CYP20A1: variants seen among roughly 807,000 people sequenced by gnomAD.
The protein encoded by CYP20A1 is cytochrome P450 20A1.
Under a neutral mutation model 61.4 loss-of-function variants are expected in CYP20A1, and 61 were observed. The ratio of observed to expected loss-of-function variants is 0.99; its 90% CI spans 0.81 to 1.23. The LOEUF (loss-of-function observed/expected upper bound fraction) is 1.23. Ranked by LOEUF, CYP20A1 falls within the 50% of genes most tolerant of loss-of-function variation. The probability of loss-of-function intolerance (pLI) is 0.00; values close to 1 mark genes in which losing one functional copy is unlikely to be tolerated. For synonymous variants in CYP20A1, 193 were observed against 188.2 expected (o/e 1.03, Z -0.21); for missense variants, 530 against 542.4 (o/e 0.98, Z 0.23).
chr2:203,301,870 AAC>A lies in CYP20A1; in HGVS notation c.*4964_*4965del, dbSNP rs1325647510. Among the ~76,000 whole-genome samples the A allele has an allele frequency of 6.6e-6, 1 of 151,932 alleles. No homozygotes were observed. The highest frequency in any genetic ancestry group is 1.5e-5 in the Non-Finnish European group (1 of 68,010). ...AAACACAAAAATGTCAAACTCAGTT[AAC>A]AGTCATAGTTTCACTATTTGAAGTT... On this transcript the variant is annotated 3_prime_UTR_variant, in exon 13 of 13. Transcript: ENST00000356079.
In CYP20A1 at chr2:203,266,553, G is replaced by C. The variant is rs372183612; in HGVS notation, c.472G>C (p.Glu158Gln). 2.2e-5 allele frequency: 35 copies of C among 1,614,126 alleles called. No individual in the cohort carries two copies. In the African/African-American group the frequency reaches 4.4e-4, roughly 20 times the overall value. The change falls in exon 5 of 13, where the codon GAG (glutamate) becomes CAG (glutamine). Residue 158 changes from glutamate (E) to glutamine (Q), a missense_variant. Physicochemically the swap from Glu to Gln is conservative, Grantham distance 29. Transcript: ENST00000356079. ...ATTAGATAAATGGCTCTCCTACCCA[G>C]AGACCCAGCACGTGCCCCTCAGCCA... ...ELLDKWLSYP[E>Q]TQHVPLSQHM...
chr2:203,279,318 A>C (rs1234044246), intron 7 of CYP20A1, among the ~76,000 whole-genome samples: 2 of 152,136 alleles, frequency 1.3e-5, no homozygotes, highest in Non-Finnish European at 2.9e-5. Flanking sequence ...CTTGGTCTCT[A>C]TTATTTAGCT....
rs961436190 is a variant in CYP20A1 at position 203,296,802 on chromosome 2, A to G, written c.1283A>G (p.Lys428Arg). ...VTTVLLSVLV[K>R]RLHLLSVEGQ... Reference sequence around the variant, plus strand: ...ACAGTACTTCTTAGTGTATTGGTGAAGAGACTGCACCTACTTTCTGTGGAG... The same window carrying G: ...ACAGTACTTCTTAGTGTATTGGTGAGGAGACTGCACCTACTTTCTGTGGAG... The change falls in exon 13 of 13, where the codon AAG (lysine) becomes AGG (arginine). Residue 428 changes from lysine (K) to arginine (R), a missense_variant. Transcript: ENST00000356079. The G allele has an allele frequency of 1.9e-6, 3 of 1,609,272 alleles. No individual in the cohort carries two copies. The highest frequency in any genetic ancestry group is 2.7e-5 in the African/African-American group (2 of 74,678).
At chr2:203,287,458 T>C (rs2068329602) in intron 9 of CYP20A1, among the ~76,000 whole-genome samples, 1 of 151,700 alleles carries the variant, frequency 6.6e-6, no homozygotes, top group Admixed American at 6.6e-5. Flanking sequence ...ATAATCCCAA[T>C]AATTTGGGAG....
At chr2:203,294,589 G>A (rs536611373) in intron 11 of CYP20A1, among the ~76,000 whole-genome samples, 26 of 152,020 alleles carry the variant, frequency 1.7e-4, no homozygotes, top group African/African-American at 5.1e-4. Context: ...CTTTTCATTC[G>A]CTTTAATCCA....
rs2066711037 is a variant in CYP20A1, at chr2:203,252,064, T to C, written c.387T>C (p.Asn129=). The change falls in exon 4 of 13, where the codon AAT becomes AAC. Residue 129 remains asparagine, a synonymous_variant. Transcript: ENST00000356079. ...ACATGAGGAAAAAATTGTATGAAAA[T>C]GGTGTGACTGATTCTCTGAAGAGTA... is the stretch of plus-strand genomic sequence containing the variant. The part of the protein sequence containing the change: ...ENHMRKKLYE[N]GVTDSLKSNF... 6.2e-7 allele frequency: 1 copy of C among 1,609,768 alleles called. No individual in the cohort carries two copies. The highest frequency in any genetic ancestry group is 8.5e-7 in the Non-Finnish European group (1 of 1,177,814).
At chr2:203,276,877 G>A (rs563073110) in intron 6 of CYP20A1, among the ~76,000 whole-genome samples, 3 of 152,262 alleles carry the variant, frequency 2.0e-5, no homozygotes, top group South Asian at 2.1e-4. Context: ...AGATCACCAG[G>A]TAGTGAATAT....
chr2:203,252,049 A>T lies in CYP20A1; in HGVS notation c.372A>T (p.Lys124Asn). The change falls in exon 4 of 13, where the codon AAA becomes AAT. Residue 124 changes from lysine to asparagine, a missense_variant. Coordinates refer to ENST00000356079, the MANE Select transcript of CYP20A1 (RefSeq NM_177538.3). ...GGSVSENHMRKKLYENGVTDS... is the reference protein window; with the variant it reads ...GGSVSENHMRNKLYENGVTDS... ...GTGTGAGTGAAAACCACATGAGGAAAAAATTGTATGAAAATGGTGTGACTG... is the reference window on the plus strand; with the variant it reads ...GTGTGAGTGAAAACCACATGAGGAATAAATTGTATGAAAATGGTGTGACTG... The T allele has an allele frequency of 3.1e-6, 5 of 1,611,334 alleles. No individual in the cohort carries two copies. Among genetic ancestry groups the T allele is most frequent in the Non-Finnish European group, 4.2e-6 (5 of 1,178,698 alleles).
At chr2:203,260,981 T>A (rs917497320) in intron 4 of CYP20A1, among the ~76,000 whole-genome samples, 1 of 152,196 alleles carries the variant, frequency 6.6e-6, no homozygotes, top group Non-Finnish European at 1.5e-5. Flanking sequence ...TTTTTTTCTC[T>A]TTTTTCTTGA....
chr2:203,288,981 G>A (rs570213464), intron 9 of CYP20A1, among the ~76,000 whole-genome samples: 21 of 152,026 alleles, frequency 1.4e-4, no homozygotes, highest in African/African-American at 5.1e-4. Context: ...TTTTATTCTC[G>A]TTGTGATGTA....
At chr2:203,282,101 G>A (rs2068066650) in intron 8 of CYP20A1, among the ~76,000 whole-genome samples, 2 of 143,936 alleles carry the variant, frequency 1.4e-5, no homozygotes, top group East Asian at 2.1e-4. Context: ...GCAATTGCGC[G>A]ATTTCAGGTC....
chr2:203,294,780 A>ACCCGCCACTG (rs2068704355), intron 11 of CYP20A1, among the ~76,000 whole-genome samples: 1 of 149,856 alleles, frequency 6.7e-6, no homozygotes. Context: ...GACTACAGGC[A>ACCCGCCACTG]TGCACCACCA....
At chr2:203,272,883 C>A in intron 6 of CYP20A1, 135 bp downstream of exon 6, 1 of 460,812 alleles carries the variant, frequency 2.2e-6, no homozygotes, top group Non-Finnish European at 3.7e-6. Context: ...GAGTCTCGCT[C>A]TGTTGCCAGG....
rs763764173 is a variant in CYP20A1, at chr2:203,301,914, C to CTTTTTTTTTTTTTT, written c.*5015_*5028dup. 9.7e-5 allele frequency among the ~76,000 whole-genome samples: 10 copies of CTTTTTTTTTTTTTT among 103,570 alleles called. No individual in the cohort carries two copies. Among genetic ancestry groups the CTTTTTTTTTTTTTT allele is most frequent in the East Asian group, 3.1e-4 (1 of 3,234 alleles). 67.9% of individuals were successfully genotyped at this position (103,570 alleles called of 152,430 possible). On this transcript the variant is annotated 3_prime_UTR_variant, in exon 13 of 13. Coordinates refer to ENST00000356079, the MANE Select transcript of CYP20A1 (RefSeq NM_177538.3). ...TTTGAAGTTAACCACTGTTAAGATT[C>CTTTTTTTTTTTTTT]TTTTTTTTTTTTTTTTTTTTTTGTT...
intron 4 of CYP20A1, among the ~76,000 whole-genome samples, chr2:203,258,554 T>C (rs1224170540): frequency 6.6e-6 from 1 of 152,212 alleles, no homozygotes; most frequent in Non-Finnish European, 1.5e-5. Flanking sequence ...CTTCTGCTTC[T>C]AAAAACAAAC....
At chr2:203,272,911 GATCTCGGCC>G (rs1575225780) in intron 6 of CYP20A1, among the ~76,000 whole-genome samples, 163 bp downstream of exon 6, 2 of 150,928 alleles carry the variant, frequency 1.3e-5, no homozygotes, top group East Asian at 3.9e-4. Context: ...GCAGTGGTGC[GATCTCGGCC>G]ACAGCAACCT....
At chr2:203,243,685 CTTTTT>C (rs36041824) in intron 1 of CYP20A1, among the ~76,000 whole-genome samples, 2 of 75,566 alleles carry the variant, frequency 2.6e-5, no homozygotes. Context: ...CGCCTGGCCT[CTTTTT>C]TTTTTTTTTT....
chr2:203,253,629 C>A (rs2066783525), intron 4 of CYP20A1, among the ~76,000 whole-genome samples: 1 of 152,208 alleles, frequency 6.6e-6, no homozygotes. Context: ...CATACAGTGA[C>A]AGGTCACATA....
chr2:203,258,745 C>A (rs765469945), intron 4 of CYP20A1, among the ~76,000 whole-genome samples: 1 of 152,136 alleles, frequency 6.6e-6, no homozygotes, highest in Admixed American at 6.6e-5. Flanking sequence ...GTTGTACATA[C>A]GTCGTGTTCT....
Sources: gnomAD v4.1 joint callset for allele counts (sites outside exome capture counted in the v4.1 genomes callset) on GRCh38, gnomAD v4.1.1 for gene constraint, MANE v1.5 for transcripts, NCBI Gene and HGNC (gene_info 2026-07-23, HGNC 2026-07-21) for gene names.